Variants in ANK2 observed in about 807,000 individuals in gnomAD.
The protein encoded by ANK2 is ankyrin 2, also known as ankyrin-2.
ANK2 carries 83 observed loss-of-function variants against 360.5 expected under a neutral mutation model. The observed-to-expected ratio is 0.23, with a 90% confidence interval of 0.19 to 0.28. The LOEUF is 0.28. ANK2 is among the 10% of genes least tolerant of loss of function. The pLI is 1.00. For missense variants in ANK2, 4,201 were observed against 4,795.7 expected (o/e 0.88, Z 3.66); for synonymous variants, 1,740 against 1,759.5 (o/e 0.99, Z 0.28).
intron 24 of ANK2, among the ~76,000 whole-genome samples, chr4:113,315,220 T>C (rs761005674): frequency 6.6e-6 from 1 of 152,206 alleles, no homozygotes; most frequent in Admixed American, 6.5e-5. Flanking sequence ...GTATGACTGA[T>C]ATACCGATTG....
upstream of ANK2, among the ~76,000 whole-genome samples, chr4:113,045,213 G>A (rs192391204): frequency 1.7e-3 from 259 of 152,134 alleles, 4 homozygotes; most frequent in Non-Finnish European, 1.7e-3. Flanking sequence ...AATAGAATAG[G>A]CATATGAAAA....
At chr4:112,988,873 C>T (rs76412659) in intron 2 of ANK2, among the ~76,000 whole-genome samples, 1,813 of 151,098 alleles carry the variant, frequency 0.012, 18 homozygotes, top group African/African-American at 0.022. Context: ...AATATGTAAG[C>T]GTTTTCTGGG....
In ANK2 at chr4:113,353,802, T is replaced by C; in HGVS notation, c.5184T>C (p.Leu1728=). ...AAGCTAGTGCAGAGAAAGCTGAACT[T>C]AAAAAAGGTAGTTCAGAAGAGTCAT... ...GLQASAEKAE[L]KKGSSEESLG... Residue 1728 remains leucine, a synonymous_variant, in exon 38 of 46, where the codon CTT becomes CTC. Transcript: ENST00000357077. 1 of 1,613,794 alleles carries C rather than the reference T, an allele frequency of 6.2e-7. No homozygotes were observed. Among genetic ancestry groups the C allele is most frequent in the Non-Finnish European group, 8.5e-7 (1 of 1,179,948 alleles).
intron 2 of ANK2, among the ~76,000 whole-genome samples, chr4:113,022,660 A>G (rs2058429919): frequency 6.6e-6 from 1 of 152,200 alleles, no homozygotes; most frequent in African/African-American, 2.4e-5. Flanking sequence ...TAATTCACTT[A>G]CCTTGAAGAA....
chr4:113,139,528 A>C (rs1207311160), intron 1 of ANK2, among the ~76,000 whole-genome samples: 2 of 152,226 alleles, frequency 1.3e-5, no homozygotes, highest in East Asian at 3.8e-4. Context: ...GATTCTGTAC[A>C]CACATATTTG....
chr4:113,092,452 C>A (rs7683146), intron 1 of ANK2, among the ~76,000 whole-genome samples: 83,037 of 151,618 alleles, frequency 0.55, 23,061 homozygotes, highest in East Asian at 0.7. Flanking sequence ...CTCTCAGACC[C>A]CAGCTTTGAC....
chr4:113,011,470 C>T (rs1038499341), intron 2 of ANK2, among the ~76,000 whole-genome samples: 3 of 151,974 alleles, frequency 2.0e-5, no homozygotes, highest in Non-Finnish European at 4.4e-5. Context: ...CCCAAAGAAG[C>T]AGTTAGAATT....
chr4:112,921,379 GTTT>G (rs61196339), intron 2 of ANK2, among the ~76,000 whole-genome samples: 2,804 of 127,888 alleles, frequency 0.022, 76 homozygotes, highest in African/African-American at 0.071. Context: ...GTTTCTTTAA[GTTT>G]TTTTTTTTTT....
chr4:113,071,811 T>C (rs2077661079), intron 1 of ANK2: 1 of 152,576 alleles, frequency 6.6e-6, no homozygotes, highest in African/African-American at 2.4e-5. Flanking sequence ...GGCTAATTTA[T>C]AAAAGAAAGA....
Position 113,367,514 on chromosome 4 carries a change from C to T in ANK2, c.11033-52C>T, listed in dbSNP as rs987578175. 22 of 1,506,342 alleles carry T rather than the reference C, an allele frequency of 1.5e-5. No individual in the cohort carries two copies. The African/African-American group carries it at 2.9e-4, about 20-fold the overall frequency. 93.3% of individuals were successfully genotyped at this position (1,506,342 alleles called of 1,614,324 possible). On this transcript the variant is annotated intron_variant, in intron 41 of 45. Transcript: ENST00000357077. ...CTTATATTTATTACTTAATAAATAT[C>T]CATTCAATATAGGTAAGCTTCAACT...
At chr4:113,110,340 G>A (rs981895406) in intron 1 of ANK2, among the ~76,000 whole-genome samples, 6 of 152,154 alleles carry the variant, frequency 3.9e-5, no homozygotes, top group Non-Finnish European at 5.9e-5. Flanking sequence ...CCCATGACAC[G>A]TGGGGATTAT....
At chr4:112,874,608 C>CTCCA (rs2074390794) in intron 1 of ANK2, among the ~76,000 whole-genome samples, 1 of 143,706 alleles carries the variant, frequency 7.0e-6, no homozygotes, top group African/African-American at 2.6e-5. Flanking sequence ...CACCACTGCA[C>CTCCA]TCCAGCTGGG....
chr4:112,855,148 A>G (rs900885267), intron 1 of ANK2, among the ~76,000 whole-genome samples: 6 of 152,194 alleles, frequency 3.9e-5, no homozygotes, highest in African/African-American at 9.7e-5. Context: ...AGCTAGGGCT[A>G]TGTATTTACA....
chr4:112,826,419 C>A, intron 1 of ANK2: 2 of 1,035,548 alleles, frequency 1.9e-6, no homozygotes, highest in South Asian at 1.5e-5. Context: ...ACTTTCCCTA[C>A]CAGCAGTAAC....
chr4:113,156,780 CTATA>C (rs10599338), intron 1 of ANK2, among the ~76,000 whole-genome samples: 99,417 of 148,042 alleles, frequency 0.67, 33,709 homozygotes, highest in African/African-American at 0.76. Context: ...TTCAAATGTC[CTATA>C]TATATATATA....
Position 112,882,088 on chromosome 4 carries a change from A to G in ANK2, c.-39-22367A>G, listed in dbSNP as rs542398090. On this transcript the variant is annotated intron_variant, in intron 1 of 30. Transcript: ENST00000503271. The stretch of plus-strand genomic sequence containing the variant: ...GCTCTCATCGGTTGTTTCAAAGCTC[A>G]GCCCTCCCATGAAGAGCTTCCGCAG... 8.8e-5 allele frequency: 30 copies of G among 341,624 alleles called. No individual in the cohort carries two copies. The South Asian group carries it at 9.0e-4, about 10-fold the overall frequency. The allele number at this position is 341,624 out of a possible 1,614,324, so 21.2% of individuals were successfully genotyped here. A position where few individuals can be genotyped will look rare whatever the true frequency, so the allele number is the denominator to read the frequency against.
intron 2 of ANK2, among the ~76,000 whole-genome samples, chr4:112,910,491 G>A (rs1362510589): frequency 6.6e-6 from 1 of 152,208 alleles, no homozygotes; most frequent in Non-Finnish European, 1.5e-5. Context: ...GAGAACAAAT[G>A]TGTGTTTCAT....
At chr4:113,375,597 T>C (rs993030873) in intron 45 of ANK2, among the ~76,000 whole-genome samples, 1 of 151,608 alleles carries the variant, frequency 6.6e-6, no homozygotes, top group Non-Finnish European at 1.5e-5. Context: ...TGGTGGCGGG[T>C]GCCTGTAGTC....
intron 2 of ANK2, among the ~76,000 whole-genome samples, chr4:113,179,030 A>G (rs952381560): frequency 2.6e-5 from 4 of 152,216 alleles, no homozygotes; most frequent in African/African-American, 9.6e-5. Context: ...AGGTGGTTAC[A>G]GGATCTTTTA....
Sources: gnomAD v4.1 joint callset for allele counts (sites outside exome capture counted in the v4.1 genomes callset) on GRCh38, gnomAD v4.1.1 for gene constraint, MANE v1.5 for transcripts, NCBI Gene and HGNC (gene_info 2026-07-23, HGNC 2026-07-21) for gene names.